The following CXADR variants were observed in gnomAD, a reference collection of about 807,000 sequenced individuals.
CXADR encodes the protein coxsackievirus and adenovirus receptor.
CXADR carries 20 observed loss-of-function variants against 40.3 expected under a neutral mutation model. The observed-to-expected ratio is 0.50, with a 90% CI of 0.35 to 0.72. The LOEUF (loss-of-function observed/expected upper bound fraction) is 0.72, where lower values mean the gene tolerates loss of function less well. CXADR is among the 30% of genes least tolerant of loss of function. The probability of loss-of-function intolerance (pLI) is 0.01; values close to 1 mark genes in which losing one functional copy is unlikely to be tolerated. For synonymous variants in CXADR, 150 were observed against 161.3 expected (o/e 0.93, Z 0.53); for missense variants, 332 against 449.1 (o/e 0.74, Z 2.36).
At chr21:17,593,218 G>A (rs772476258) in exon 8 of CXADR, 1 of 1,404,550 alleles carries the variant, frequency 7.1e-7, no homozygotes, top group South Asian at 1.7e-5. Context: ...AGAATCTGAA[G>A]TATTGTATTA....
chr21:17,599,092 T>A, the CXADR span: 2 of 326,920 alleles, frequency 6.1e-6, no homozygotes, highest in Non-Finnish European at 1.1e-5. Context: ...AAAAAAAAAA[T>A]TGTTTAAAAC....
At chr21:17,621,966 G>T in the CXADR span, among the ~76,000 whole-genome samples, 43 of 152,312 alleles carry the variant, frequency 2.8e-4, no homozygotes, top group East Asian at 6.7e-3. Context: ...TTTGTATGTG[G>T]TTGGGCTCCC....
chr21:17,568,907 A>T lies in CXADR; in HGVS notation c.*3215A>T, dbSNP rs2061250119. ...TAAAATGGAAACACAGCCTGAGTGT[A>T]TCTTAGGGAGAGTTTGATTGAAAAA... On this transcript the variant is annotated 3_prime_UTR_variant, in exon 7 of 7. Transcript: ENST00000284878. 7 of 985,162 alleles carry T rather than the reference A, an allele frequency of 7.1e-6. No homozygotes were observed. Among genetic ancestry groups the T allele is most frequent in the Non-Finnish European group, 8.4e-6 (7 of 829,742 alleles). 61.0% of individuals were successfully genotyped at this position (985,162 alleles called of 1,614,324 possible). A position where few individuals can be genotyped will look rare whatever the true frequency, so the allele number is the denominator to read the frequency against.
the CXADR span, chr21:17,613,074 G>A: frequency 6.6e-6 from 1 of 151,952 alleles, no homozygotes; most frequent in Admixed American, 6.5e-5. Context: ...CCGCACGGGA[G>A]GCGACACACC....
At chr21:17,529,650 C>T (rs1026825915) in intron 1 of CXADR, among the ~76,000 whole-genome samples, 3 of 152,060 alleles carry the variant, frequency 2.0e-5, no homozygotes, top group Non-Finnish European at 4.4e-5. Context: ...ATTAATAAAG[C>T]GTTAGAACAT....
chr21:17,574,383 AT>A (rs11363044), downstream of CXADR, among the ~76,000 whole-genome samples: 130,246 of 152,088 alleles, frequency 0.86, 55,854 homozygotes, highest in South Asian at 0.9. Flanking sequence ...TATCCTGAAT[AT>A]TTTATTTTAA....
At position 17,566,836 on chromosome 21, in the gene CXADR, G is replaced by C. The variant is rs1306978836; in HGVS notation, c.*1144G>C. On this transcript the variant is annotated 3_prime_UTR_variant, in exon 7 of 7. Coordinates refer to ENST00000284878, the MANE Select transcript of CXADR (RefSeq NM_001338.5). The stretch of plus-strand genomic sequence containing the variant: ...CCATCAATTCTGTATTCCAGACTTG[G>C]GAGGATGTACAGTTGCTGTTGTGTG... The C allele has an allele frequency of 3.1e-6, 3 of 977,484 alleles. No homozygotes were observed. The African/African-American group carries it at 5.3e-5, about 17-fold the overall frequency. The allele number at this position is 977,484 out of a possible 1,614,324, so 60.6% of individuals were successfully genotyped here.
chr21:17,626,393 G>T, the CXADR span, among the ~76,000 whole-genome samples: 3 of 152,270 alleles, frequency 2.0e-5, no homozygotes, highest in East Asian at 5.8e-4. Context: ...GGTGATAATG[G>T]TATTTATTAC....
In CXADR at chr21:17,566,988, G is replaced by A. The variant is rs965252852; in HGVS notation, c.*1296G>A. The A allele has an allele frequency of 2.8e-5, 27 of 974,956 alleles. No individual in the cohort carries two copies. The African/African-American group carries it at 4.0e-4, about 15-fold the overall frequency. 60.4% of individuals were successfully genotyped at this position (974,956 alleles called of 1,614,324 possible). A position where few individuals can be genotyped will look rare whatever the true frequency, so the allele number is the denominator to read the frequency against. ...GAAAAAGAAAAAAAGATAAGAAGGA[G>A]GAGTAAAGGGACTACTCCTCCTTGC... On this transcript the variant is annotated 3_prime_UTR_variant, in exon 7 of 7. Coordinates refer to ENST00000284878, the MANE Select transcript of CXADR (RefSeq NM_001338.5).
chr21:17,604,146 TA>T, the CXADR span: 1 of 1,282,846 alleles, frequency 7.8e-7, no homozygotes, highest in Admixed American at 2.6e-5. Context: ...GTCACTTACA[TA>T]ATCAAAAAGG....
In CXADR at chr21:17,566,297, A is replaced by T. The variant is rs181163061; in HGVS notation, c.*605A>T. On this transcript the variant is annotated 3_prime_UTR_variant, in exon 7 of 7. Transcript: ENST00000284878. Reference sequence around the variant, plus strand: ...TCTAAGTCATTCATAAACCTTGTCTATGAAATGACTTCTTAAATATTTAGT... The same window carrying T: ...TCTAAGTCATTCATAAACCTTGTCTTTGAAATGACTTCTTAAATATTTAGT... 1.9e-5 allele frequency: 19 copies of T among 983,722 alleles called. No homozygotes were observed. The South Asian group carries it at 8.5e-4, about 44-fold the overall frequency. The allele number at this position is 983,722 out of a possible 1,614,324, so 60.9% of individuals were successfully genotyped here. A position where few individuals can be genotyped will look rare whatever the true frequency, so the allele number is the denominator to read the frequency against.
intron 1 of CXADR, among the ~76,000 whole-genome samples, chr21:17,520,402 C>A (rs577980745): frequency 6.4e-4 from 98 of 152,198 alleles, no homozygotes; most frequent in African/African-American, 2.3e-3. Context: ...ACAAGGAAGT[C>A]TAGGTGGGGC....
chr21:17,601,361 A>C, the CXADR span, among the ~76,000 whole-genome samples: 4 of 152,076 alleles, frequency 2.6e-5, no homozygotes, highest in African/African-American at 9.7e-5. Context: ...TTCGTAGTAT[A>C]AAATACCTAA....
the CXADR span, among the ~76,000 whole-genome samples, chr21:17,619,564 G>A: frequency 6.6e-6 from 1 of 150,698 alleles, no homozygotes; most frequent in African/African-American, 2.5e-5. Flanking sequence ...ACTCCAGTCT[G>A]GCAGCCTGGG....
intron 1 of CXADR, among the ~76,000 whole-genome samples, chr21:17,545,220 C>G (rs1208046622): frequency 1.3e-5 from 2 of 151,438 alleles, no homozygotes; most frequent in African/African-American, 4.9e-5. Flanking sequence ...AGTCAGGTGA[C>G]ATAGGTCCAA....
the CXADR span, chr21:17,605,014 T>C: frequency 2.6e-3 from 4,170 of 1,611,278 alleles, 14 homozygotes; most frequent in Non-Finnish European, 3.1e-3. Context: ...CAAAGTGGAG[T>C]TACGTTAATG....
intron 1 of CXADR, among the ~76,000 whole-genome samples, chr21:17,544,613 G>A (rs921989131): frequency 6.6e-6 from 1 of 152,126 alleles, no homozygotes; most frequent in Non-Finnish European, 1.5e-5. Context: ...CACAGTGGCC[G>A]GTGACCGAGG....
In CXADR at chr21:17,568,597, C is replaced by T. The variant is rs1172712322; in HGVS notation, c.*2905C>T. The T allele has an allele frequency of 2.1e-6, 2 of 970,768 alleles. No homozygotes were observed. Among genetic ancestry groups the T allele is most frequent in the African/African-American group, 3.7e-5 (2 of 53,686 alleles). 60.1% of individuals were successfully genotyped at this position (970,768 alleles called of 1,614,324 possible). ...TTTAAGAGATAGGGTTTCACTATTG[C>T]TCAGGCTGGTCTCAAACTGCTGGGC... On this transcript the variant is annotated 3_prime_UTR_variant, in exon 7 of 7. Coordinates refer to ENST00000284878, the MANE Select transcript of CXADR (RefSeq NM_001338.5).
intron 7 of CXADR, chr21:17,576,729 A>G (rs2061324827): frequency 6.6e-6 from 1 of 152,184 alleles, no homozygotes; most frequent in African/African-American, 2.4e-5. Context: ...GGTGTTATGT[A>G]CTAACCATGA....
Sources: gnomAD v4.1 joint callset for allele counts (sites outside exome capture counted in the v4.1 genomes callset) on GRCh38, gnomAD v4.1.1 for gene constraint, MANE v1.5 for transcripts, NCBI Gene and HGNC (gene_info 2026-07-23, HGNC 2026-07-21) for gene names.